Variants in PROS1 observed in about 807,000 individuals in gnomAD.
PROS1 encodes vitamin K-dependent protein S.
Under a neutral mutation model 75.9 loss-of-function variants are expected in PROS1, and 29 were observed. The ratio of observed to expected loss-of-function variants is 0.38; its 90% CI spans 0.28 to 0.52. The LOEUF is 0.52. Among genes scored for constraint, PROS1 ranks in the 20% least tolerant of loss-of-function variants. The pLI is 0.83. For missense variants in PROS1, 680 were observed against 810.3 expected, an observed-to-expected ratio of 0.84 and a Z score of 1.95; for synonymous variants, 245 against 280.6, an observed-to-expected ratio of 0.87 and a Z score of 1.27.
intron 7 of PROS1, 110 bp downstream of exon 7, chr3:93,900,694 G>A (rs1222229619): frequency 2.1e-6 from 3 of 1,440,908 alleles, no homozygotes; most frequent in African/African-American, 1.4e-5. Flanking sequence ...CTATATTAGG[G>A]ATAAGAAAAT....
intron 1 of PROS1, among the ~76,000 whole-genome samples, chr3:93,933,583 GA>G (rs1194668560): frequency 5.5e-5 from 8 of 144,520 alleles, no homozygotes; most frequent in Middle Eastern, 7.2e-3. Context: ...CAAAAAAAAA[GA>G]AAAAAAAAGC....
chr3:93,897,181 A>G (rs1158717190), intron 8 of PROS1, among the ~76,000 whole-genome samples: 2 of 152,124 alleles, frequency 1.3e-5, no homozygotes, highest in Non-Finnish European at 2.9e-5. Context: ...TGCTATCTAG[A>G]TAGTAAAGGG....
chr3:93,896,305 TATGC>T, intron 9 of PROS1, among the ~76,000 whole-genome samples: 1 of 152,258 alleles, frequency 6.6e-6, no homozygotes, highest in East Asian at 1.9e-4. Context: ...TCTTAGTAAA[TATGC>T]ATTTTCTACA....
chr3:93,896,764 G>A (rs1708507869), intron 8 of PROS1, 73 bp from the exon 9 acceptor site: 1 of 1,137,020 alleles, frequency 8.8e-7, no homozygotes, highest in Non-Finnish European at 1.3e-6. Flanking sequence ...TTTGTGTGAG[G>A]TCATGCATTT....
rs1468370376 is a variant in PROS1, at chr3:93,884,800, G to A, written c.1420C>T (p.His474Tyr). The change falls in exon 12 of 15, where the codon CAT becomes TAT. Residue 474 changes from histidine to tyrosine, a missense_variant. Physicochemically the swap from His to Tyr is moderately conservative, Grantham distance 83. Transcript: ENST00000394236. The stretch of plus-strand genomic sequence containing the variant: ...CCCTTCTCCACAGTAACCAGGCAAT[G>A]CTTATTTTGTTTTTCTTGAATAATT... ...KEIIQEKQNK[H>Y]CLVTVEKGSY... is the part of the protein sequence containing the mutation. 3 of 1,613,728 alleles carry A rather than the reference G, an allele frequency of 1.9e-6. No individual in the cohort carries two copies. The highest frequency in any genetic ancestry group is 2.5e-6 in the Non-Finnish European group (3 of 1,179,830).
At chr3:93,882,646 A>C (rs1405853154) in intron 12 of PROS1, among the ~76,000 whole-genome samples, 1 of 152,214 alleles carries the variant, frequency 6.6e-6, no homozygotes, top group Non-Finnish European at 1.5e-5. Flanking sequence ...CAAATTGCTG[A>C]ACTCCATGTA....
chr3:93,896,274 A>G (rs1250391901), intron 9 of PROS1, among the ~76,000 whole-genome samples: 1 of 152,162 alleles, frequency 6.6e-6, no homozygotes, highest in African/African-American at 2.4e-5. Context: ...TCACAAGTAC[A>G]TTAAATCTAC....
chr3:93,915,637 T>A (rs1708834132), intron 3 of PROS1, among the ~76,000 whole-genome samples: 1 of 152,242 alleles, frequency 6.6e-6, no homozygotes, highest in Non-Finnish European at 1.5e-5. Flanking sequence ...ATGTTGGTCT[T>A]TACTCTAGTT....
chr3:93,906,210 T>C (rs1056219753), intron 4 of PROS1, 67 bp from the exon 5 acceptor site: 1 of 1,557,986 alleles, frequency 6.4e-7, no homozygotes, highest in African/African-American at 1.4e-5. Flanking sequence ...TTGTGTGTAC[T>C]ATAATAAAAA....
intron 1 of PROS1, among the ~76,000 whole-genome samples, chr3:93,951,427 T>C (rs570799265): frequency 6.6e-6 from 1 of 152,130 alleles, no homozygotes; most frequent in Non-Finnish European, 1.5e-5. Context: ...CAGAAGAGAG[T>C]AGGGGCCAAT....
At chr3:93,888,199 A>G (rs1708378983) in intron 10 of PROS1, among the ~76,000 whole-genome samples, 1 of 152,278 alleles carries the variant, frequency 6.6e-6, no homozygotes, top group South Asian at 2.1e-4. Context: ...TCATATCTTT[A>G]CCAGGAACTT....
At chr3:93,905,549 G>A (rs1708660066) in intron 6 of PROS1, among the ~76,000 whole-genome samples, 1 of 152,218 alleles carries the variant, frequency 6.6e-6, no homozygotes, top group Non-Finnish European at 1.5e-5. Context: ...AGGCTACAGT[G>A]AGCCATGATG....
rs1338128189 is a variant in PROS1, at chr3:93,879,190, C to A, written c.1617G>T (p.Leu539Phe). The part of the protein sequence containing the change: ...GNNTVPFAVS[L>F]VDSTSEKSQD... ...GTGATTTTTCAGAGGTGGAGTCCAC[C>A]AAGGACACAGCAAAGGGCACTGTGT... Residue 539 changes from leucine to phenylalanine, a missense_variant, in exon 13 of 15, where the codon TTG (leucine) becomes TTT (phenylalanine). Transcript: ENST00000394236. 1.9e-6 allele frequency: 3 copies of A among 1,614,062 alleles called. No individual in the cohort carries two copies. The highest frequency in any genetic ancestry group is 1.7e-5 in the Admixed American group (1 of 59,998).
chr3:93,954,645 G>A (rs1457513703), intron 1 of PROS1, among the ~76,000 whole-genome samples: 1 of 152,050 alleles, frequency 6.6e-6, no homozygotes, highest in Non-Finnish European at 1.5e-5. Context: ...CTAGGCAATA[G>A]CATTCAGGAC....
intron 1 of PROS1, among the ~76,000 whole-genome samples, chr3:93,969,381 T>A (rs1302107260): frequency 6.6e-6 from 1 of 152,164 alleles, no homozygotes; most frequent in Non-Finnish European, 1.5e-5. Context: ...GGCAAGTGTA[T>A]TTGTTAGACA....
At chr3:93,973,224 C>T (rs1233326510) in intron 1 of PROS1, among the ~76,000 whole-genome samples, 1 of 152,168 alleles carries the variant, frequency 6.6e-6, no homozygotes, top group Non-Finnish European at 1.5e-5. Context: ...AAACCAAGCT[C>T]AAAGTCCAGA....
At chr3:93,931,210 G>C (rs1223289653) in intron 1 of PROS1, among the ~76,000 whole-genome samples, 1 of 152,106 alleles carries the variant, frequency 6.6e-6, no homozygotes, top group African/African-American at 2.4e-5. Context: ...GATTTGCTAC[G>C]AGTTGTGCTA....
chr3:93,885,059 G>A (rs764916726), intron 11 of PROS1, among the ~76,000 whole-genome samples, 163 bp from the exon 12 acceptor site: 1 of 152,066 alleles, frequency 6.6e-6, no homozygotes, highest in Non-Finnish European at 1.5e-5. Context: ...TTCTTCAGAT[G>A]GACAGTCTTT....
intron 1 of PROS1, among the ~76,000 whole-genome samples, chr3:93,931,138 A>C (rs1400955582): frequency 4.6e-5 from 7 of 152,192 alleles, no homozygotes; most frequent in Non-Finnish European, 1.0e-4. Flanking sequence ...GAAATAAACT[A>C]TCAGACAGAA....
Sources: allele counts gnomAD v4.1 joint callset (sites outside exome capture counted in the v4.1 genomes callset), GRCh38; gene constraint gnomAD v4.1.1; transcripts MANE v1.5; gene names NCBI Gene and HGNC (gene_info 2026-07-23, HGNC 2026-07-21).